The following FIG4 variants were observed in gnomAD, a reference collection of about 807,000 sequenced individuals.
The protein encoded by FIG4 is polyphosphoinositide phosphatase.
A neutral mutation model predicts 118.6 loss-of-function variants in FIG4; 112 were observed. The observed-to-expected ratio is 0.94, with a 90% confidence interval of 0.81 to 1.11. The LOEUF (loss-of-function observed/expected upper bound fraction) is 1.11, where lower values mean the gene tolerates loss of function less well. FIG4 is among the 50% of genes least tolerant of loss of function. FIG4 has a pLI of 0.00. For missense variants in FIG4, 969 were observed against 1,111.7 expected (o/e 0.87, Z 1.83); for synonymous variants, 369 against 381.2 (o/e 0.97, Z 0.37).
At position 109,691,462 on chromosome 6, in the gene FIG4, C is replaced by T. The variant is rs141040807; in HGVS notation, c.27C>T (p.Ile9=). The T allele has an allele frequency of 5.1e-3, 8,017 of 1,586,892 alleles. 41 individuals are homozygous for T. Among genetic ancestry groups the T allele is most frequent in the Non-Finnish European group, 5.3e-3 (6,216 of 1,166,332 alleles). The stretch of plus-strand genomic sequence containing the variant: ...TGCCCACGGCCGCCGCCCCCATCAT[C>T]AGCTCGGTCCAGAAGCTGGTTCTGT... MPTAAAPI[I]SSVQKLVLYE... is the part of the protein sequence containing the mutation. The change falls in exon 1 of 23, where the codon ATC becomes ATT. Residue 9 remains isoleucine (I), a synonymous_variant. Transcript: ENST00000230124.
intron 8 of FIG4, among the ~76,000 whole-genome samples, chr6:109,741,947 T>G (rs933919037): frequency 3.3e-5 from 5 of 152,022 alleles, no homozygotes. Flanking sequence ...CCTAACTACA[T>G]TTTCTGTCTG....
rs1308559446 is a variant in FIG4 at position 109,767,421 on chromosome 6, CCAATA to C, written c.1750+532_1750+536del. 8.5e-5 allele frequency among the ~76,000 whole-genome samples: 13 copies of C among 152,266 alleles called. 1 individual carries two copies. The highest frequency in any genetic ancestry group is 6.8e-3 in the Middle Eastern group (2 of 294). ...TCCTGCCTCCATTCTGATGGAATTG[CCAATA>C]CAATAGGTATCACAGACCAAAGTGA... On this transcript the variant is annotated intron_variant, in intron 15 of 22. Transcript: ENST00000230124.
At chr6:109,806,376 C>T (rs1167351247) in intron 22 of FIG4, among the ~76,000 whole-genome samples, 1 of 152,178 alleles carries the variant, frequency 6.6e-6, no homozygotes, top group Non-Finnish European at 1.5e-5. Context: ...CAAAGCCCCT[C>T]TATAATGACT....
chr6:109,754,107 A>G, intron 10 of FIG4, among the ~76,000 whole-genome samples: 1 of 152,212 alleles, frequency 6.6e-6, no homozygotes, highest in Non-Finnish European at 1.5e-5. Context: ...ATTTTGAGAT[A>G]TGTCCCATCA....
Position 109,777,051 on chromosome 6 carries a change from C to T in FIG4, c.1880C>T (p.Thr627Ile), listed in dbSNP as rs770831509. The change falls in exon 16 of 23, where the codon ACA (threonine) becomes ATA (isoleucine). Residue 627 changes from threonine (T) to isoleucine (I), a missense_variant. Around this residue, in one of 3 missense-constraint regions of FIG4, gnomAD observed 330 missense variants for 348.1 expected, o/e 0.95. Coordinates refer to ENST00000230124, the MANE Select transcript of FIG4 (RefSeq NM_014845.6). ...AAAAATACCATGAGACTTTTGCCAA[C>T]AAGAAGAAGGTATTTTTCTTCCTAG... The part of the protein sequence containing the change: ...HHKNTMRLLP[T>I]RRSYTYWWTP... 10 of 1,613,526 alleles carry T rather than the reference C, an allele frequency of 6.2e-6. No homozygotes were observed. The South Asian group carries it at 1.1e-4, about 18-fold the overall frequency.
intron 1 of FIG4, among the ~76,000 whole-genome samples, chr6:109,704,451 T>A (rs1237150291): frequency 2.0e-5 from 3 of 149,976 alleles, no homozygotes; most frequent in African/African-American, 7.3e-5. Context: ...AGGTCAGGAG[T>A]TCAAGACCAG....
intron 10 of FIG4, among the ~76,000 whole-genome samples, chr6:109,745,555 G>A (rs995077967): frequency 5.3e-5 from 8 of 152,024 alleles, no homozygotes; most frequent in African/African-American, 1.9e-4. Flanking sequence ...TTGTGAGATG[G>A]AGAGATGCAA....
intron 11 of FIG4, among the ~76,000 whole-genome samples, chr6:109,760,951 A>G (rs1777086582): frequency 6.6e-6 from 1 of 152,126 alleles, no homozygotes; most frequent in Non-Finnish European, 1.5e-5. Context: ...GTCTTTCAAG[A>G]TCTGATTCAA....
Position 109,691,375 on chromosome 6 carries a change from G to C in FIG4, c.-61G>C. The C allele has an allele frequency of 7.1e-7, 1 of 1,413,754 alleles. No homozygotes were observed. 87.6% of individuals were successfully genotyped at this position (1,413,754 alleles called of 1,614,324 possible). Reference sequence around the variant, plus strand: ...CCAGGGCCTGAGGGGTTTTCTCGCCGAGTCTCCTGGGGCGGTCCGGAGGCT... The same window carrying C: ...CCAGGGCCTGAGGGGTTTTCTCGCCCAGTCTCCTGGGGCGGTCCGGAGGCT... On this transcript the variant is annotated 5_prime_UTR_variant, in exon 1 of 23. Coordinates refer to ENST00000230124, the MANE Select transcript of FIG4 (RefSeq NM_014845.6).
chr6:109,719,387 TG>T (rs1265073065), intron 3 of FIG4, among the ~76,000 whole-genome samples: 2 of 151,784 alleles, frequency 1.3e-5, no homozygotes. Flanking sequence ...TGTGTGTGTG[TG>T]TTTTTTTTTT....
chr6:109,773,155 A>G (rs944237873), intron 15 of FIG4, among the ~76,000 whole-genome samples: 1 of 152,240 alleles, frequency 6.6e-6, no homozygotes, highest in Non-Finnish European at 1.5e-5. Context: ...TGTGCTTCAA[A>G]TCTCTCTGCC....
chr6:109,753,209 C>G (rs7775092), intron 10 of FIG4, among the ~76,000 whole-genome samples: 1 of 151,970 alleles, frequency 6.6e-6, no homozygotes, highest in Non-Finnish European at 1.5e-5. Flanking sequence ...GCTTAGCTTC[C>G]GAGATCAGAC....
intron 3 of FIG4, among the ~76,000 whole-genome samples, chr6:109,720,574 A>C (rs1306301460): frequency 6.6e-6 from 1 of 152,158 alleles, no homozygotes; most frequent in Non-Finnish European, 1.5e-5. Flanking sequence ...GACCAACACC[A>C]CATGTGACTT....
chr6:109,751,994 C>G (rs1326353375), intron 10 of FIG4, among the ~76,000 whole-genome samples: 62 of 104,660 alleles, frequency 5.9e-4, no homozygotes, highest in Admixed American at 2.4e-3. Flanking sequence ...CCCCCTCCCC[C>G]CACCCCACAA....
Position 109,691,347 on chromosome 6 carries a change from T to A in FIG4, c.-89T>A, listed in dbSNP as rs2128375126. The A allele has an allele frequency of 4.9e-6, 5 of 1,029,752 alleles. 1 individual carries two copies. In the South Asian group the frequency reaches 5.4e-5, roughly 11 times the overall value. The allele number at this position is 1,029,752 out of a possible 1,614,324, so 63.8% of individuals were successfully genotyped here. ...GGGTGTTGTTCCTGGCTGGACTTGA[T>A]GTCCAGGGCCTGAGGGGTTTTCTCG... On this transcript the variant is annotated 5_prime_UTR_variant, in exon 1 of 23. It removes an upstream start codon present in the reference 5' UTR. Transcript: ENST00000230124.
intron 22 of FIG4, among the ~76,000 whole-genome samples, chr6:109,805,984 G>C (rs1273696697): frequency 6.6e-6 from 1 of 152,004 alleles, no homozygotes; most frequent in Non-Finnish European, 1.5e-5. Context: ...ATGTTTAACA[G>C]ATAGAAAAAA....
chr6:109,754,962 T>C (rs979120936), intron 10 of FIG4, among the ~76,000 whole-genome samples: 1 of 152,218 alleles, frequency 6.6e-6, no homozygotes, highest in Admixed American at 6.5e-5. Flanking sequence ...TTTTAGTTAT[T>C]TCTTGCCTTC....
chr6:109,710,148 T>C (rs1775212476), intron 1 of FIG4, among the ~76,000 whole-genome samples: 4 of 152,212 alleles, frequency 2.6e-5, no homozygotes. Context: ...ATACCTTGCT[T>C]ATTGAGTTTT....
intron 4 of FIG4, among the ~76,000 whole-genome samples, chr6:109,728,202 A>G (rs1775878859): frequency 6.6e-6 from 1 of 152,220 alleles, no homozygotes; most frequent in African/African-American, 2.4e-5. Context: ...GTGGTTTAGA[A>G]AAATAAAATG....
Sources: gnomAD v4.1 joint callset for allele counts (sites outside exome capture counted in the v4.1 genomes callset) on GRCh38, gnomAD v4.1.1 for gene constraint, gnomAD v4.1.1 regional missense constraint, MANE v1.5 for transcripts, NCBI Gene and HGNC (gene_info 2026-07-23, HGNC 2026-07-21) for gene names.